ATP2B1: variants seen among roughly 807,000 people sequenced by gnomAD.
ATP2B1 encodes the protein ATPase plasma membrane Ca2+ transporting 1.
A neutral mutation model predicts 124.2 loss-of-function variants in ATP2B1; 14 were observed. That is an observed-to-expected ratio of 0.11 (90% CI 0.07 to 0.18). The LOEUF (loss-of-function observed/expected upper bound fraction) is 0.18. Among genes scored for constraint, ATP2B1 ranks in the 10% least tolerant of loss-of-function variants. ATP2B1 has a pLI of 1.00. For missense variants in ATP2B1, 763 were observed against 1,466.1 expected, an observed-to-expected ratio of 0.52 and a Z score of 7.83; for synonymous variants, 449 against 492.4, an observed-to-expected ratio of 0.91 and a Z score of 1.17.
In ATP2B1 at chr12:89,642,237, G is replaced by A; in HGVS notation, c.327C>T (p.Val109=). 6.2e-7 allele frequency: 1 copy of A among 1,613,666 alleles called. No individual in the cohort carries two copies. Among genetic ancestry groups the A allele is most frequent in the Admixed American group, 1.7e-5 (1 of 60,012 alleles). Residue 109 remains valine, a synonymous_variant, in exon 3 of 21, where the codon GTC becomes GTT. Transcript: ENST00000428670. ...CTGCAATTTCTAATATAATTAAAGT[G>A]ACATCTTGTAATGCTTCCCATACTA... ...LQLVWEALQD[V]TLIILEIAAI...
chr12:89,604,221 A>T lies in ATP2B1; in HGVS notation c.2568T>A (p.Leu856=). 2 of 1,614,034 alleles carry T rather than the reference A, an allele frequency of 1.2e-6. No homozygotes were observed. Among genetic ancestry groups the T allele is most frequent in the Non-Finnish European group, 1.7e-6 (2 of 1,179,974 alleles). ...RNVYDSISKF[L]QFQLTVNVVA... ...CTACATTAACAGTAAGTTGGAACTG[A>T]AGGAATTTTGAGATGCTGTCATAGA... is the stretch of plus-strand genomic sequence containing the variant. Residue 856 remains leucine, a synonymous_variant, in exon 16 of 21, where the codon CTT becomes CTA. Transcript: ENST00000428670.
At chr12:89,645,510 G>A (rs1362469498) in intron 2 of ATP2B1, among the ~76,000 whole-genome samples, 1 of 152,072 alleles carries the variant, frequency 6.6e-6, no homozygotes, top group African/African-American at 2.4e-5. Context: ...CAATAAAAAA[G>A]GGCCAATAGA....
intron 1 of ATP2B1, among the ~76,000 whole-genome samples, chr12:89,670,143 C>CA (rs1218859711): frequency 6.6e-6 from 1 of 152,058 alleles, no homozygotes; most frequent in Non-Finnish European, 1.5e-5. Context: ...GGGGAAAGCA[C>CA]AGAAATGTAT....
chr12:89,617,281 C>A (rs768893678), intron 11 of ATP2B1, among the ~76,000 whole-genome samples: 81 of 152,162 alleles, frequency 5.3e-4, no homozygotes, highest in Non-Finnish European at 9.4e-4. Flanking sequence ...CTTCTCTAAA[C>A]CTTGTCTTTT....
intron 9 of ATP2B1, 138 bp downstream of exon 9, chr12:89,624,045 A>G: frequency 1.3e-6 from 1 of 767,350 alleles, no homozygotes; most frequent in South Asian, 1.9e-5. Context: ...ATCAATGACA[A>G]CATTTCTAGA....
At chr12:89,695,939 A>C (rs1278643616) in intron 1 of ATP2B1, among the ~76,000 whole-genome samples, 1 of 152,200 alleles carries the variant, frequency 6.6e-6, no homozygotes, top group African/African-American at 2.4e-5. Flanking sequence ...TCTCACCCCA[A>C]GCACACTACA....
At chr12:89,644,171 A>C (rs1342663969) in intron 2 of ATP2B1, among the ~76,000 whole-genome samples, 1 of 152,216 alleles carries the variant, frequency 6.6e-6, no homozygotes, top group African/African-American at 2.4e-5. Context: ...AAGAAGGCAG[A>C]GATAACCAGG....
chr12:89,698,353 T>C (rs550757194), intron 1 of ATP2B1, among the ~76,000 whole-genome samples: 21 of 152,294 alleles, frequency 1.4e-4, no homozygotes, highest in African/African-American at 4.8e-4. Flanking sequence ...TGAAACTCAA[T>C]TATGGTGAGT....
At chr12:89,684,589 T>G (rs1376394919) in intron 1 of ATP2B1, among the ~76,000 whole-genome samples, 1 of 152,210 alleles carries the variant, frequency 6.6e-6, no homozygotes, top group Non-Finnish European at 1.5e-5. Flanking sequence ...TCATTCAGAC[T>G]ACATAACAAA....
At chr12:89,665,760 C>T (rs1451741628) in intron 1 of ATP2B1, among the ~76,000 whole-genome samples, 1 of 152,220 alleles carries the variant, frequency 6.6e-6, no homozygotes, top group Non-Finnish European at 1.5e-5. Context: ...GTCACACCAG[C>T]TGCTCTGTCG....
chr12:89,649,177 T>A (rs537414907), intron 2 of ATP2B1, among the ~76,000 whole-genome samples: 1 of 152,344 alleles, frequency 6.6e-6, no homozygotes, highest in South Asian at 2.1e-4. Context: ...TTAGTGGAGC[T>A]GTGGGAAGGG....
intron 13 of ATP2B1, among the ~76,000 whole-genome samples, 168 bp downstream of exon 13, chr12:89,611,025 C>A (rs972091825): frequency 6.6e-6 from 1 of 152,162 alleles, no homozygotes; most frequent in African/African-American, 2.4e-5. Context: ...TTTATTACTT[C>A]TCTCTTTTAT....
intron 2 of ATP2B1, among the ~76,000 whole-genome samples, chr12:89,643,074 A>G (rs1883827811): frequency 6.6e-6 from 1 of 150,984 alleles, no homozygotes; most frequent in Non-Finnish European, 1.5e-5. Context: ...ATACACACAC[A>G]CACACACACA....
At chr12:89,636,866 A>C (rs184957324) in intron 3 of ATP2B1, among the ~76,000 whole-genome samples, 1 of 152,300 alleles carries the variant, frequency 6.6e-6, no homozygotes, top group Admixed American at 6.5e-5. Context: ...AAGCTCAAGA[A>C]ATCACCATGT....
intron 11 of ATP2B1, 76 bp from the exon 12 acceptor site, chr12:89,617,115 G>T: frequency 9.0e-7 from 1 of 1,109,920 alleles, no homozygotes; most frequent in Non-Finnish European, 1.3e-6. Context: ...GAACTGGCAG[G>T]CCTAGAAATC....
Position 89,600,678 on chromosome 12 carries a change from C to T in ATP2B1, c.3168+648G>A, listed in dbSNP as rs1281628673. 4.1e-5 allele frequency among the ~76,000 whole-genome samples: 6 copies of T among 147,104 alleles called. No individual in the cohort carries two copies. The South Asian group carries it at 6.4e-4, about 16-fold the overall frequency. On this transcript the variant is annotated intron_variant, in intron 19 of 20. Coordinates refer to ENST00000428670, the MANE Select transcript of ATP2B1 (RefSeq NM_001366521.1). ...TTTTTTTTTTTTTGAGATGAAGTCT[C>T]GCTCTTCTCTCCCTGGCTAGAGTGC...
At chr12:89,678,152 G>A (rs1888908445) in intron 1 of ATP2B1, among the ~76,000 whole-genome samples, 1 of 151,532 alleles carries the variant, frequency 6.6e-6, no homozygotes, top group Admixed American at 6.6e-5. Context: ...AAGATAAAAT[G>A]ACTGGTGACC....
intron 18 of ATP2B1, 111 bp from the exon 19 acceptor site, chr12:89,601,544 T>C (rs1875845059): frequency 1.7e-6 from 1 of 597,440 alleles, no homozygotes; most frequent in African/African-American, 1.9e-5. Flanking sequence ...ACCACTATTC[T>C]GATGAATTGT....
chr12:89,593,787 T>C (rs1202186582), intron 20 of ATP2B1: 1 of 152,002 alleles, frequency 6.6e-6, no homozygotes, highest in African/African-American at 2.4e-5. Context: ...TCTGAATTTG[T>C]TGAACAATAT....
Sources: gnomAD v4.1 joint callset for allele counts (sites outside exome capture counted in the v4.1 genomes callset) on GRCh38, gnomAD v4.1.1 for gene constraint, MANE v1.5 for transcripts, NCBI Gene and HGNC (gene_info 2026-07-23, HGNC 2026-07-21) for gene names.